Variants in OLA1 observed in about 807,000 individuals in gnomAD.
OLA1 encodes Obg like ATPase 1, also known as obg-like ATPase 1.
A neutral mutation model predicts 48.4 loss-of-function variants in OLA1; 14 were observed. The observed-to-expected ratio is 0.29, with a 90% CI of 0.19 to 0.45. The LOEUF (loss-of-function observed/expected upper bound fraction) is 0.45, where lower values mean the gene tolerates loss of function less well. Among genes scored for constraint, OLA1 ranks in the 20% least tolerant of loss-of-function variants. OLA1 has a pLI of 1.00. For synonymous variants in OLA1, 127 were observed against 150.4 expected (o/e 0.84, Z 1.14); for missense variants, 325 against 467.1 (o/e 0.70, Z 2.80).
At chr2:174,113,456 T>C (rs1226532132) in intron 7 of OLA1, among the ~76,000 whole-genome samples, 1 of 152,192 alleles carries the variant, frequency 6.6e-6, no homozygotes, top group African/African-American at 2.4e-5. Context: ...TTTTTATACA[T>C]GATATTGCGT....
chr2:174,123,097 C>T, intron 7 of OLA1, 83 bp downstream of exon 7: 3 of 632,502 alleles, frequency 4.7e-6, no homozygotes, highest in South Asian at 2.1e-5. Context: ...TTAAACATTG[C>T]CGTTAAGTAC....
chr2:174,093,895 T>C (rs1246234166), intron 7 of OLA1, among the ~76,000 whole-genome samples: 1 of 152,254 alleles, frequency 6.6e-6, no homozygotes, highest in Non-Finnish European at 1.5e-5. Context: ...TAGTTTATAA[T>C]CAAAATATAA....
chr2:174,093,048 C>T (rs1213912025), intron 7 of OLA1, among the ~76,000 whole-genome samples: 3 of 152,198 alleles, frequency 2.0e-5, no homozygotes, highest in Admixed American at 6.5e-5. Context: ...GCTACTAAGA[C>T]TTGTGTTCAG....
At chr2:174,181,223 G>T (rs984291548) in intron 4 of OLA1, among the ~76,000 whole-genome samples, 1 of 152,180 alleles carries the variant, frequency 6.6e-6, no homozygotes, top group African/African-American at 2.4e-5. Context: ...AAACAAGGGG[G>T]CATTTTAAAA....
intron 4 of OLA1, among the ~76,000 whole-genome samples, chr2:174,179,808 T>C (rs1449063110): frequency 1.3e-5 from 2 of 152,098 alleles, no homozygotes; most frequent in African/African-American, 4.8e-5. Flanking sequence ...TAGACAGTAG[T>C]GAAGCTATAA....
chr2:174,187,681 CTTT>C (rs1279764230), intron 4 of OLA1, among the ~76,000 whole-genome samples: 2 of 152,206 alleles, frequency 1.3e-5, no homozygotes, highest in Non-Finnish European at 2.9e-5. Context: ...GATGTGACTT[CTTT>C]AACTAAGTCA....
intron 3 of OLA1, among the ~76,000 whole-genome samples, chr2:174,225,454 GC>G (rs1465391243): frequency 6.6e-6 from 1 of 152,108 alleles, no homozygotes; most frequent in Non-Finnish European, 1.5e-5. Flanking sequence ...GGAGGCTGGG[GC>G]AGGAAATCAC....
intron 7 of OLA1, among the ~76,000 whole-genome samples, chr2:174,103,355 TTC>T (rs1212648204): frequency 6.6e-6 from 1 of 152,178 alleles, no homozygotes; most frequent in Non-Finnish European, 1.5e-5. Flanking sequence ...ATAAATAAAA[TTC>T]TGTTTGAACA....
At position 174,150,371 on chromosome 2, in the gene OLA1, C is replaced by T. The variant is rs146082534; in HGVS notation, c.374-8371G>A. ...AAGAAGACCCTCACCAGCTGCAGCCCGCTGAGCTTGTACTTTCCAGGCTCC... is the reference window on the plus strand; with the variant it reads ...AAGAAGACCCTCACCAGCTGCAGCCTGCTGAGCTTGTACTTTCCAGGCTCC... On this transcript the variant is annotated intron_variant, in intron 4 of 10. Coordinates refer to ENST00000284719, the MANE Select transcript of OLA1 (RefSeq NM_013341.5). Among the ~76,000 whole-genome samples, 10 of 152,240 alleles carry T rather than the reference C, an allele frequency of 6.6e-5. 1 individual carries two copies. In the East Asian group the frequency reaches 1.9e-3, roughly 29 times the overall value.
chr2:174,145,782 T>C (rs1486125537), intron 4 of OLA1, among the ~76,000 whole-genome samples: 6 of 152,360 alleles, frequency 3.9e-5, no homozygotes, highest in Admixed American at 3.9e-4. Flanking sequence ...GTAACAATCA[T>C]ATATTCTGGT....
At chr2:174,247,784 A>G in intron 1 of OLA1, 1 of 1,550,544 alleles carries the variant, frequency 6.4e-7, no homozygotes, top group East Asian at 2.4e-5. Flanking sequence ...TTCTAATGGT[A>G]AATTAATCGA....
intron 4 of OLA1, among the ~76,000 whole-genome samples, chr2:174,159,761 T>C (rs1156656061): frequency 6.6e-6 from 1 of 152,004 alleles, no homozygotes; most frequent in Non-Finnish European, 1.5e-5. Flanking sequence ...TATTCCTATC[T>C]ATATAGAATG....
intron 5 of OLA1, among the ~76,000 whole-genome samples, chr2:174,137,407 T>A (rs544710678): frequency 6.6e-6 from 1 of 152,342 alleles, no homozygotes; most frequent in South Asian, 2.1e-4. Flanking sequence ...CTCTAGGATT[T>A]TCAGAATGGT....
At chr2:174,133,774 T>C (rs1339463102) in intron 5 of OLA1, among the ~76,000 whole-genome samples, 1 of 148,244 alleles carries the variant, frequency 6.7e-6, no homozygotes, top group African/African-American at 2.4e-5. Flanking sequence ...TTTGTCTTTT[T>C]TAATTTTTAA....
At chr2:174,222,961 T>G in intron 4 of OLA1, 72 bp downstream of exon 4, 1 of 1,452,056 alleles carries the variant, frequency 6.9e-7, no homozygotes, top group East Asian at 2.3e-5. Context: ...ATTTCTAATT[T>G]TATTTGTGCA....
intron 2 of OLA1, among the ~76,000 whole-genome samples, chr2:174,239,792 G>T (rs1688951650): frequency 6.6e-6 from 1 of 151,692 alleles, no homozygotes; most frequent in Non-Finnish European, 1.5e-5. Context: ...TATTCAGGTG[G>T]CTGAGGTGGA....
At chr2:174,203,270 G>A (rs935911023) in intron 4 of OLA1, among the ~76,000 whole-genome samples, 1 of 152,130 alleles carries the variant, frequency 6.6e-6, no homozygotes, top group African/African-American at 2.4e-5. Context: ...AAGAAAGGGT[G>A]ATGAGAAGAA....
At chr2:174,112,624 C>T (rs986588848) in intron 7 of OLA1, among the ~76,000 whole-genome samples, 1 of 152,116 alleles carries the variant, frequency 6.6e-6, no homozygotes, top group Admixed American at 6.5e-5. Context: ...GCAATTAATG[C>T]TGTAATCATG....
intron 4 of OLA1, among the ~76,000 whole-genome samples, chr2:174,156,792 C>T (rs955181484): frequency 6.6e-6 from 1 of 151,752 alleles, no homozygotes; most frequent in Non-Finnish European, 1.5e-5. Context: ...ACCATGTTAG[C>T]CAGGCTGGTG....
Sources: gnomAD v4.1 joint callset for allele counts (sites outside exome capture counted in the v4.1 genomes callset) on GRCh38, gnomAD v4.1.1 for gene constraint, MANE v1.5 for transcripts, NCBI Gene and HGNC (gene_info 2026-07-23, HGNC 2026-07-21) for gene names.